Variants in VWA3A observed in about 807,000 individuals in gnomAD.
The protein encoded by VWA3A is von Willebrand factor A domain-containing protein 3A.
In VWA3A, 134 loss-of-function variants were observed where a neutral mutation model predicts 160.4. The observed-to-expected ratio is 0.84, with a 90% confidence interval of 0.73 to 0.96. The LOEUF (loss-of-function observed/expected upper bound fraction) is 0.96. Among genes scored for constraint, VWA3A ranks in the 40% least tolerant of loss-of-function variants. The pLI, the probability that VWA3A is intolerant of heterozygous loss-of-function variation, is 0.00. For synonymous variants in VWA3A, 476 were observed against 543.4 expected (o/e 0.88, Z 1.72); for missense variants, 1,310 against 1,447.9 (o/e 0.90, Z 1.55).
At position 22,117,150 on chromosome 16, in the gene VWA3A, T is replaced by C; in HGVS notation, c.964T>C (p.Tyr322His). The change falls in exon 11 of 34, where the codon TAC (tyrosine) becomes CAC (histidine). Residue 322 changes from tyrosine (Y) to histidine (H), a missense_variant. Transcript: ENST00000389398. ...CCTTGCAGAAGCTGTTAGGGGCTAC[T>C]ACCACTGCTACAGCCCAAAGATGGA... Reference protein sequence around the residue: ...KNLAEAVRGYYHCYSPKMEHY... With the variant: ...KNLAEAVRGYHHCYSPKMEHY... The C allele has an allele frequency of 6.3e-7, 1 of 1,583,806 alleles. No homozygotes were observed. The highest frequency in any genetic ancestry group is 8.6e-7 in the Non-Finnish European group (1 of 1,164,736).
At chr16:22,116,638 C>T in intron 9 of VWA3A, 121 bp from the exon 10 acceptor site, 1 of 761,914 alleles carries the variant, frequency 1.3e-6, no homozygotes, top group African/African-American at 1.7e-5. Context: ...CATAGGTGAC[C>T]TGTGACACAG....
At chr16:22,151,139 G>C (rs922472934) in intron 30 of VWA3A, among the ~76,000 whole-genome samples, 15 of 152,122 alleles carry the variant, frequency 9.9e-5, no homozygotes, top group Non-Finnish European at 1.9e-4. Flanking sequence ...AATTAGACAG[G>C]TGTGGTGGTA....
chr16:22,103,807 A>T (rs915835359), intron 6 of VWA3A, among the ~76,000 whole-genome samples: 1 of 152,036 alleles, frequency 6.6e-6, no homozygotes, highest in South Asian at 2.1e-4. Context: ...CTCCAGTAAA[A>T]AGGAACTTCA....
chr16:22,150,876 A>G (rs1450458987), intron 30 of VWA3A, 30 bp downstream of exon 30: 2 of 1,597,258 alleles, frequency 1.3e-6, no homozygotes, highest in Non-Finnish European at 1.7e-6. Context: ...ACTGAGTTTT[A>G]TTCTTTTTCC....
Position 22,148,300 on chromosome 16 carries a change from G to A in VWA3A, c.2978G>A (p.Cys993Tyr). Reference protein sequence around the residue: ...LLIWEQLRKCCDSFNLLSFAE... With the variant: ...LLIWEQLRKCYDSFNLLSFAE... The stretch of plus-strand genomic sequence containing the variant: ...ATTTGGGAACAGCTGCGGAAGTGCT[G>A]TGACAGGTAGGAGGCGAGGGCTGAT... The change falls in exon 28 of 34, where the codon TGT becomes TAT. Residue 993 changes from cysteine to tyrosine, a missense_variant. Coordinates refer to ENST00000389398, the MANE Select transcript of VWA3A (RefSeq NM_173615.5). The A allele has an allele frequency of 6.3e-7, 1 of 1,594,684 alleles. No individual in the cohort carries two copies. The highest frequency in any genetic ancestry group is 8.5e-7 in the Non-Finnish European group (1 of 1,170,854).
intron 12 of VWA3A, among the ~76,000 whole-genome samples, chr16:22,119,839 G>T (rs2045703584): frequency 6.6e-6 from 1 of 151,998 alleles, no homozygotes; most frequent in African/African-American, 2.4e-5. Flanking sequence ...CCAACATGGT[G>T]AAACCTCGTC....
chr16:22,124,975 C>G (rs1403330101), intron 16 of VWA3A, among the ~76,000 whole-genome samples: 2 of 152,130 alleles, frequency 1.3e-5, no homozygotes, highest in Non-Finnish European at 2.9e-5. Flanking sequence ...GGCTAGAGAT[C>G]TTAAAACAGA....
intron 24 of VWA3A, 34 bp from the exon 25 acceptor site, chr16:22,142,634 A>G (rs1330885827): frequency 2.0e-6 from 3 of 1,518,990 alleles, no homozygotes; most frequent in Non-Finnish European, 2.7e-6. Context: ...CAACCATCCA[A>G]ACTATAGCAA....
chr16:22,150,056 C>A, intron 29 of VWA3A, 125 bp downstream of exon 29: 2 of 1,313,424 alleles, frequency 1.5e-6, no homozygotes, highest in Non-Finnish European at 1.0e-6. Flanking sequence ...TACATCATTT[C>A]ATCTTCCCAA....
At chr16:22,100,861 G>A (rs2045397747) in intron 5 of VWA3A, among the ~76,000 whole-genome samples, 1 of 135,330 alleles carries the variant, frequency 7.4e-6, no homozygotes, top group Non-Finnish European at 1.6e-5. Flanking sequence ...AAAAAGAAAG[G>A]AAAAAGAAAA....
At chr16:22,131,364 A>G (rs2045945191) in intron 18 of VWA3A, 85 bp downstream of exon 18, 1 of 1,520,422 alleles carries the variant, frequency 6.6e-7, no homozygotes, top group Non-Finnish European at 9.0e-7. Flanking sequence ...CTCCACCAAG[A>G]AGTAGCTCTC....
rs1167724563 is a variant in VWA3A at position 22,123,676 on chromosome 16, A to G, written c.1501A>G (p.Arg501Gly). 6.2e-7 allele frequency: 1 copy of G among 1,613,718 alleles called. No individual in the cohort carries two copies. The highest frequency in any genetic ancestry group is 8.5e-7 in the Non-Finnish European group (1 of 1,179,818). Residue 501 changes from arginine to glycine, a missense_variant, in exon 16 of 34, where the codon AGA becomes GGA. Coordinates refer to ENST00000389398, the MANE Select transcript of VWA3A (RefSeq NM_173615.5). ...GATTGAGTGGCTCTCCCTGGCCAGC[A>G]GAAGAATCTGGGGCACAGTCTGTGA... The part of the protein sequence containing the change: ...RRIEWLSLAS[R>G]RIWGTVCEKR...
chr16:22,147,631 C>G (rs1233374259), intron 27 of VWA3A: 1 of 703,240 alleles, frequency 1.4e-6, no homozygotes, highest in East Asian at 2.7e-5. Flanking sequence ...GTCATGATGA[C>G]TGCTGCTTCA....
chr16:22,105,230 C>G (rs143089913), intron 6 of VWA3A, among the ~76,000 whole-genome samples: 1 of 152,304 alleles, frequency 6.6e-6, no homozygotes, highest in East Asian at 1.9e-4. Flanking sequence ...CTCCACTACC[C>G]CATCCTCGCA....
In VWA3A at chr16:22,148,297, G is replaced by T. The variant is rs1469625015; in HGVS notation, c.2975G>T (p.Cys992Phe). 1.3e-6 allele frequency: 2 copies of T among 1,595,276 alleles called. No homozygotes were observed. The highest frequency in any genetic ancestry group is 3.5e-5 in the Admixed American group (2 of 56,938). ...VLLIWEQLRK[C>F]CDSFNLLSFA... ...CTGATTTGGGAACAGCTGCGGAAGT[G>T]CTGTGACAGGTAGGAGGCGAGGGCT... Residue 992 changes from cysteine to phenylalanine, a missense_variant, in exon 28 of 34, where the codon TGC (cysteine) becomes TTC (phenylalanine). By Grantham distance (205) the Cys-to-Phe change is radical (BLOSUM62 -2). Transcript: ENST00000389398.
chr16:22,095,532 G>A (rs570846651), intron 1 of VWA3A, among the ~76,000 whole-genome samples: 1 of 152,188 alleles, frequency 6.6e-6, no homozygotes, highest in East Asian at 1.9e-4. Flanking sequence ...GGAGAAAAGG[G>A]GGTGTAACAT....
intron 1 of VWA3A, among the ~76,000 whole-genome samples, chr16:22,093,318 A>T (rs1290859725): frequency 3.9e-5 from 6 of 152,178 alleles, no homozygotes; most frequent in African/African-American, 1.4e-4. Context: ...AATATATAGA[A>T]TGTATTTACT....
chr16:22,144,349 A>C lies in VWA3A; in HGVS notation c.2695A>C (p.Lys899Gln). 6.2e-7 allele frequency: 1 copy of C among 1,613,952 alleles called. No individual in the cohort carries two copies. Among genetic ancestry groups the C allele is most frequent in the Non-Finnish European group, 8.5e-7 (1 of 1,179,880 alleles). ...GTCAGGACAGAGGTCAGCATCCGCC[A>C]AACACTGCAGCATCTTCCCCAGCGT... Reference protein sequence around the residue: ...QKSGQRSASAKHCSIFPSVEI... With the variant: ...QKSGQRSASAQHCSIFPSVEI... The change falls in exon 26 of 34, where the codon AAA becomes CAA. Residue 899 changes from lysine (K) to glutamine (Q), a missense_variant. Physicochemically the swap from Lys to Gln is moderately conservative, Grantham distance 53. Transcript: ENST00000389398.
intron 2 of VWA3A, 32 bp from the exon 3 acceptor site, chr16:22,097,540 G>A: frequency 1.3e-6 from 2 of 1,549,470 alleles, no homozygotes; most frequent in Non-Finnish European, 1.7e-6. Flanking sequence ...CCCAGTGCTG[G>A]GGCATTGATC....
Sources: allele counts gnomAD v4.1 joint callset (sites outside exome capture counted in the v4.1 genomes callset), GRCh38; gene constraint gnomAD v4.1.1; transcripts MANE v1.5; gene names NCBI Gene and HGNC (gene_info 2026-07-23, HGNC 2026-07-21).